Variants in DAB2IP observed in about 807,000 individuals in gnomAD.
DAB2IP encodes disabled homolog 2-interacting protein.
Under a neutral mutation model 107.2 loss-of-function variants are expected in DAB2IP, and 28 were observed. The observed-to-expected ratio is 0.26, with a 90% CI of 0.19 to 0.36. The LOEUF is 0.36. Ranked by LOEUF, DAB2IP falls within the 10% of genes least tolerant of loss-of-function variation. The probability of loss-of-function intolerance (pLI) is 1.00; values close to 1 mark genes in which losing one functional copy is unlikely to be tolerated. For missense variants in DAB2IP, 1,400 were observed against 1,644.7 expected (o/e 0.85, Z 2.57); for synonymous variants, 755 against 706.4 (o/e 1.07, Z -1.09).
At chr9:121,637,131 T>C (rs558848277) in intron 1 of DAB2IP, among the ~76,000 whole-genome samples, 58 of 152,342 alleles carry the variant, frequency 3.8e-4, no homozygotes, top group African/African-American at 1.3e-3. Flanking sequence ...GAGCTGCTAT[T>C]TGCTTCCTGG....
At chr9:121,585,808 C>T (rs1182161430) in intron 1 of DAB2IP, among the ~76,000 whole-genome samples, 2 of 151,422 alleles carry the variant, frequency 1.3e-5, no homozygotes, top group African/African-American at 4.9e-5. Flanking sequence ...GAGCTGAGAT[C>T]GTGCCACTGG....
intron 1 of DAB2IP, among the ~76,000 whole-genome samples, chr9:121,610,371 C>T (rs988849944): frequency 6.6e-6 from 1 of 152,206 alleles, no homozygotes; most frequent in South Asian, 2.1e-4. Context: ...AGCCACTCGG[C>T]TCATCAGCCC....
intron 1 of DAB2IP, among the ~76,000 whole-genome samples, chr9:121,572,425 T>TG (rs1204329972): frequency 6.6e-5 from 10 of 152,092 alleles, no homozygotes; most frequent in African/African-American, 1.5e-4. Flanking sequence ...AATGAATGAA[T>TG]AAGTGAGCGA....
intron 1 of DAB2IP, among the ~76,000 whole-genome samples, chr9:121,661,951 G>A (rs767517052): frequency 5.1e-4 from 77 of 150,888 alleles, no homozygotes; most frequent in Non-Finnish European, 9.1e-4. Context: ...ACTGCACTCC[G>A]CCCTGGGCAA....
At chr9:121,780,345 A>C (rs954744994) in intron 14 of DAB2IP, among the ~76,000 whole-genome samples, 2 of 151,820 alleles carry the variant, frequency 1.3e-5, no homozygotes, top group South Asian at 2.1e-4. Context: ...CCCCCCCGCC[A>C]CCACCGCTCC....
chr9:121,702,941 T>C lies in DAB2IP; in HGVS notation c.362+3483T>C, dbSNP rs772059963. Among the ~76,000 whole-genome samples the C allele has an allele frequency of 4.6e-5, 7 of 152,212 alleles. No homozygotes were observed. The highest frequency in any genetic ancestry group is 7.3e-5 in the Non-Finnish European group (5 of 68,034). ...AAGTGTCTGTACCCCCATCAAGCTC[T>C]TCCCAGTCATCCTGGTGCGGAGCTT... On this transcript the variant is annotated intron_variant, in intron 3 of 15. Transcript: ENST00000408936. The surrounding 1 kb of genome is among the most constrained non-coding windows in gnomAD (Gnocchi z 4.5).
chr9:121,757,220 T>C (rs76107944), intron 4 of DAB2IP, 54 bp downstream of exon 4: 39,724 of 1,588,622 alleles, frequency 0.025, 1,513 homozygotes, highest in East Asian at 0.22. Context: ...CTGGCCTGGC[T>C]GGTCTCCTCC....
At position 121,772,534 on chromosome 9, in the gene DAB2IP, T is replaced by G. The variant is rs1346004918; in HGVS notation, c.2079-73T>G. 2.0e-6 allele frequency: 3 copies of G among 1,521,754 alleles called. No homozygotes were observed. The highest frequency in any genetic ancestry group is 1.8e-4 in the Middle Eastern group (1 of 5,696). 94.3% of individuals were successfully genotyped at this position (1,521,754 alleles called of 1,614,324 possible). On this transcript the variant is annotated intron_variant, in intron 11 of 15. Coordinates refer to ENST00000408936, the Ensembl canonical transcript of DAB2IP. The surrounding 1 kb of genome is among the most constrained non-coding windows in gnomAD (Gnocchi z 4.7). ...CGGCAGGTTGGCGGGTGCTGTCGGT[T>G]TGGACCCGCCTTGGCTGCACTCACA...
chr9:121,689,748 C>T (rs1048898017), intron 2 of DAB2IP, among the ~76,000 whole-genome samples: 3 of 152,186 alleles, frequency 2.0e-5, no homozygotes, highest in Admixed American at 6.5e-5. Context: ...CATTTGTCCC[C>T]GGGAGACTCC....
At chr9:121,757,079 G>A (rs770866833) in exon 4 of DAB2IP, 27 of 1,614,100 alleles carry the variant, frequency 1.7e-5, no homozygotes, top group African/African-American at 1.1e-4. Flanking sequence ...CCAGCAGTGC[G>A]GTGGAGGCGC....
intron 1 of DAB2IP, among the ~76,000 whole-genome samples, chr9:121,606,776 GTTTTTTT>G (rs1033556948): frequency 1.4e-5 from 2 of 144,456 alleles, no homozygotes; most frequent in East Asian, 4.0e-4. Context: ...TTTGTTTTTT[GTTTTTTT>G]TTTTTTCTTG....
At chr9:121,593,422 C>T (rs972584879) in intron 1 of DAB2IP, among the ~76,000 whole-genome samples, 17 of 152,020 alleles carry the variant, frequency 1.1e-4, no homozygotes, top group Non-Finnish European at 2.2e-4. Flanking sequence ...TGCATGCTAC[C>T]GTGCTCGGCT....
exon 13 of DAB2IP, chr9:121,774,272 G>T (rs982793283): frequency 1.9e-6 from 3 of 1,611,134 alleles, no homozygotes; most frequent in East Asian, 2.2e-5. Context: ...CCCTTCACCT[G>T]TGAGCCCCAA....
At chr9:121,631,057 G>A (rs991153932) in intron 1 of DAB2IP, among the ~76,000 whole-genome samples, 6 of 152,194 alleles carry the variant, frequency 3.9e-5, no homozygotes, top group African/African-American at 1.4e-4. Context: ...CATGCTGACA[G>A]GGATGAGGTG....
At chr9:121,645,520 C>G (rs1370112972) in intron 1 of DAB2IP, among the ~76,000 whole-genome samples, 1 of 152,156 alleles carries the variant, frequency 6.6e-6, no homozygotes, top group Admixed American at 6.5e-5. Context: ...TAATCCCCAG[C>G]CCCATGTGAC....
At chr9:121,650,520 C>T (rs1005292935), upstream of DAB2IP, among the ~76,000 whole-genome samples, 1 of 152,214 alleles carries the variant, frequency 6.6e-6, no homozygotes. Context: ...CTCACACCCC[C>T]CACCCCTAAG....
chr9:121,665,784 C>T (rs1471925488), intron 1 of DAB2IP, among the ~76,000 whole-genome samples: 5 of 152,236 alleles, frequency 3.3e-5, no homozygotes, highest in Admixed American at 2.6e-4. Context: ...TAAAAGGAAG[C>T]TCTTCTCTTT....
rs1832054839 is a variant in DAB2IP, at chr9:121,635,505, A to G, written c.41-43173A>G. On this transcript the variant is annotated intron_variant, in intron 1 of 16. Coordinates refer to the DAB2IP transcript ENST00000259371. This position sits in a 1 kb window ranked among gnomAD's most constrained non-coding sequence, Gnocchi z 4.3. The stretch of plus-strand genomic sequence containing the variant: ...ACCTACTGTGTGCTTAGCCCCGTGC[A>G]GGGCCTGGGCATGGAAACGGAGTGA... 1.3e-5 allele frequency among the ~76,000 whole-genome samples: 2 copies of G among 152,230 alleles called. No homozygotes were observed. Among genetic ancestry groups the G allele is most frequent in the Non-Finnish European group, 2.9e-5 (2 of 68,038 alleles).
chr9:121,582,548 G>A (rs373696390), intron 1 of DAB2IP, among the ~76,000 whole-genome samples: 12 of 152,090 alleles, frequency 7.9e-5, no homozygotes, highest in African/African-American at 2.4e-4. Flanking sequence ...TGGCGCCCCC[G>A]TGACTCTCAG....
Sources: allele counts gnomAD v4.1 joint callset (sites outside exome capture counted in the v4.1 genomes callset), GRCh38; gene constraint gnomAD v4.1.1; non-coding constraint Gnocchi (gnomAD v3.1); transcripts MANE v1.5; gene names NCBI Gene and HGNC (gene_info 2026-07-23, HGNC 2026-07-21).